Variants in CD200 observed in about 807,000 individuals in gnomAD.
The protein encoded by CD200 is CD200 molecule.
In CD200, 15 loss-of-function variants were observed where a neutral mutation model predicts 30.9. That is an observed-to-expected ratio of 0.49 (90% CI 0.32 to 0.75). The LOEUF is 0.75. Ranked by LOEUF, CD200 falls within the 30% of genes least tolerant of loss-of-function variation. The pLI is 0.03. For synonymous variants in CD200, 134 were observed against 126.2 expected (o/e 1.06, Z -0.41); for missense variants, 262 against 324.2 (o/e 0.81, Z 1.47).
chr3:112,332,603 A>G, upstream of CD200: 1 of 199,340 alleles, frequency 5.0e-6, no homozygotes, highest in Non-Finnish European at 1.0e-5. Context: ...AAGAAGAAGA[A>G]GAAGGAGAAG....
chr3:112,362,713 T>TTA lies in CD200; in HGVS notation c.*1176_*1177dup, dbSNP rs3083146. On this transcript the variant is annotated 3_prime_UTR_variant, in exon 6 of 6. Transcript: ENST00000315711. ...TTGTTTTCGCTGTTAAATTGGATAT[T>TTA]TATATATATATATAGCAAGATTTTC... The TTA allele has an allele frequency of 0.95, 143,075 of 150,476 alleles. 68,305 individuals are homozygous for TTA. The highest frequency in any genetic ancestry group is 0.99 in the Non-Finnish European group (66,969 of 67,426). 9.3% of individuals were successfully genotyped at this position (150,476 alleles called of 1,614,324 possible).
chr3:112,354,076 C>G (rs531661646), intron 5 of CD200, among the ~76,000 whole-genome samples: 1 of 152,294 alleles, frequency 6.6e-6, no homozygotes, highest in African/African-American at 2.4e-5. Context: ...AAACCCTTAG[C>G]AAACAGATTC....
chr3:112,357,138 G>A (rs1323591161), intron 5 of CD200, among the ~76,000 whole-genome samples: 2 of 151,874 alleles, frequency 1.3e-5, no homozygotes, highest in African/African-American at 4.8e-5. Context: ...GTGGGCGCCT[G>A]TAGTCCCAGC....
Position 112,333,968 on chromosome 3 carries a change from T to C in CD200, c.12+744T>C, listed in dbSNP as rs1010145389. The stretch of plus-strand genomic sequence containing the variant: ...TGAAATCCAAATACAATGGTATTGG[T>C]ATAAGAATCCAAATACAGTGAATGC... On this transcript the variant is annotated intron_variant, in intron 1 of 5. Coordinates refer to ENST00000315711, the MANE Select transcript of CD200 (RefSeq NM_005944.7). 2.1e-5 allele frequency: 21 copies of C among 984,714 alleles called. No homozygotes were observed. In the African/African-American group the frequency reaches 3.7e-4, roughly 17 times the overall value. The allele number at this position is 984,714 out of a possible 1,614,324, so 61.0% of individuals were successfully genotyped here.
At chr3:112,337,163 G>A (rs2081136503) in intron 1 of CD200, among the ~76,000 whole-genome samples, 1 of 152,158 alleles carries the variant, frequency 6.6e-6, no homozygotes, top group Non-Finnish European at 1.5e-5. Flanking sequence ...GCAGATGGGT[G>A]TGTTCAGACA....
At chr3:112,356,928 G>A (rs929992373) in intron 5 of CD200, among the ~76,000 whole-genome samples, 6 of 152,186 alleles carry the variant, frequency 3.9e-5, no homozygotes, top group African/African-American at 1.4e-4. Context: ...TCATAAGAAT[G>A]TTGTGAAGAT....
chr3:112,344,910 G>T, intron 2 of CD200, 52 bp from the exon 3 acceptor site: 2 of 1,286,862 alleles, frequency 1.6e-6, no homozygotes, highest in Middle Eastern at 2.0e-4. Context: ...TCAGGAAAAA[G>T]TGTATGTGTG....
chr3:112,347,318 C>T (rs1272364672), intron 3 of CD200, among the ~76,000 whole-genome samples: 2 of 152,200 alleles, frequency 1.3e-5, no homozygotes, highest in Non-Finnish European at 2.9e-5. Flanking sequence ...CTGCTACAGA[C>T]AAATTACAGA....
chr3:112,337,333 G>T (rs1025268273), intron 1 of CD200, among the ~76,000 whole-genome samples: 1 of 152,114 alleles, frequency 6.6e-6, no homozygotes. Flanking sequence ...CTGTAATCAG[G>T]CTCATAAAAG....
At chr3:112,339,428 G>T (rs1222101047) in intron 1 of CD200, among the ~76,000 whole-genome samples, 1 of 152,292 alleles carries the variant, frequency 6.6e-6, no homozygotes, top group South Asian at 2.1e-4. Context: ...GGCTCAGGGA[G>T]ATAAATATTT....
chr3:112,347,028 C>A (rs191945832), intron 3 of CD200, among the ~76,000 whole-genome samples: 1 of 152,150 alleles, frequency 6.6e-6, no homozygotes, highest in Non-Finnish European at 1.5e-5. Flanking sequence ...CTCCTCCATG[C>A]GTCTAATTCA....
At chr3:112,338,303 G>A (rs909716267) in intron 1 of CD200, among the ~76,000 whole-genome samples, 10 of 152,114 alleles carry the variant, frequency 6.6e-5, no homozygotes, top group African/African-American at 2.4e-4. Flanking sequence ...TGAGTGCCTG[G>A]GAGATAAAAG....
At chr3:112,350,294 CTG>C (rs572827930) in intron 5 of CD200, among the ~76,000 whole-genome samples, 88 of 152,352 alleles carry the variant, frequency 5.8e-4, no homozygotes, top group African/African-American at 2.0e-3. Context: ...CTTACAGTAA[CTG>C]TGTCATGCCA....
In CD200 at chr3:112,347,543, T is replaced by G. The variant is rs747128299; in HGVS notation, c.422-15T>G. On this transcript the variant is annotated splice_polypyrimidine_tract_variant and intron_variant, in intron 3 of 5. Coordinates refer to ENST00000315711, the MANE Select transcript of CD200 (RefSeq NM_005944.7). The stretch of plus-strand genomic sequence containing the variant: ...TGCTTAACTGATAACAGATCATATT[T>G]ATTTTTTGTCCCAGTACAGCCCATA... 1 of 1,612,488 alleles carries G rather than the reference T, an allele frequency of 6.2e-7. No homozygotes were observed. Among genetic ancestry groups the G allele is most frequent in the South Asian group, 1.1e-5 (1 of 90,998 alleles).
intron 5 of CD200, 110 bp from the exon 6 acceptor site, chr3:112,361,433 A>C: frequency 4.4e-6 from 4 of 900,026 alleles, no homozygotes; most frequent in Non-Finnish European, 7.4e-6. Context: ...ATGAATATAC[A>C]CTAGAATAAC....
At chr3:112,335,980 C>A (rs889796353) in intron 1 of CD200, 1 of 1,612,680 alleles carries the variant, frequency 6.2e-7, no homozygotes, top group Admixed American at 1.7e-5. Flanking sequence ...CTCCTTACAG[C>A]TACACTCCTA....
intron 4 of CD200, among the ~76,000 whole-genome samples, chr3:112,349,103 T>A (rs1371940420): frequency 6.6e-6 from 1 of 152,216 alleles, no homozygotes; most frequent in Non-Finnish European, 1.5e-5. Flanking sequence ...ATGGAGAAGA[T>A]GCTAGAGACT....
intron 3 of CD200, among the ~76,000 whole-genome samples, chr3:112,346,284 TTCC>T (rs1202836641): frequency 3.3e-5 from 5 of 152,014 alleles, no homozygotes; most frequent in Non-Finnish European, 7.4e-5. Context: ...TCTTCTTTCC[TTCC>T]TCCTAATTTT....
intron 2 of CD200, among the ~76,000 whole-genome samples, chr3:112,344,439 G>A (rs1414741565): frequency 6.6e-6 from 1 of 152,184 alleles, no homozygotes; most frequent in African/African-American, 2.4e-5. Context: ...CTTTACCTAT[G>A]TTCCTATATA....
Sources: gnomAD v4.1 joint callset for allele counts (sites outside exome capture counted in the v4.1 genomes callset) on GRCh38, gnomAD v4.1.1 for gene constraint, MANE v1.5 for transcripts, NCBI Gene and HGNC (gene_info 2026-07-23, HGNC 2026-07-21) for gene names.